The following CNTNAP2 variants were observed in gnomAD, a reference collection of about 807,000 sequenced individuals.
CNTNAP2 encodes the protein contactin associated protein 2.
In CNTNAP2, 98 loss-of-function variants were observed where a neutral mutation model predicts 155.2. The ratio of observed to expected loss-of-function variants is 0.63; its 90% CI spans 0.54 to 0.75. CNTNAP2 has a LOEUF of 0.75. Ranked by LOEUF, CNTNAP2 falls within the 30% of genes least tolerant of loss-of-function variation. The probability of loss-of-function intolerance (pLI) is 0.00; values close to 1 mark genes in which losing one functional copy is unlikely to be tolerated. For missense variants in CNTNAP2, 1,727 were observed against 1,688.1 expected (o/e 1.02, Z -0.40); for synonymous variants, 651 against 631.2 (o/e 1.03, Z -0.47).
intron 9 of CNTNAP2, among the ~76,000 whole-genome samples, chr7:147,339,478 C>A (rs930328054): frequency 6.6e-6 from 1 of 152,170 alleles, no homozygotes; most frequent in Non-Finnish European, 1.5e-5. Context: ...CCAGACACAG[C>A]TGCCCAGTCT....
intron 1 of CNTNAP2, among the ~76,000 whole-genome samples, chr7:146,511,151 G>C (rs139095850): frequency 0.012 from 1,893 of 152,224 alleles, 36 homozygotes; most frequent in African/African-American, 0.043. Flanking sequence ...ACCCTCCTCA[G>C]CCTCCCAAAG....
At chr7:146,566,244 A>G (rs1480034591) in intron 1 of CNTNAP2, among the ~76,000 whole-genome samples, 3 of 152,254 alleles carry the variant, frequency 2.0e-5, no homozygotes, top group Non-Finnish European at 4.4e-5. Flanking sequence ...CCAAGTCACA[A>G]CTGGAATTCT....
intron 16 of CNTNAP2, among the ~76,000 whole-genome samples, chr7:148,138,353 A>G (rs1467672650): frequency 1.3e-5 from 2 of 152,074 alleles, no homozygotes; most frequent in African/African-American, 4.8e-5. Flanking sequence ...TTTTCCCCCA[A>G]TTCATGTTGT....
At chr7:148,203,687 G>T (rs960329292) in intron 18 of CNTNAP2, among the ~76,000 whole-genome samples, 1 of 152,200 alleles carries the variant, frequency 6.6e-6, no homozygotes, top group African/African-American at 2.4e-5. Flanking sequence ...AGAGGTTGCA[G>T]TGAGCCAAGG....
intron 13 of CNTNAP2, among the ~76,000 whole-genome samples, chr7:147,730,114 G>T (rs1299071158): frequency 1.3e-5 from 2 of 152,064 alleles, no homozygotes; most frequent in East Asian, 3.9e-4. Flanking sequence ...TAGCACATCT[G>T]ATCATTTATC....
At chr7:147,944,505 T>C (rs1585041812) in intron 14 of CNTNAP2, among the ~76,000 whole-genome samples, 1 of 152,256 alleles carries the variant, frequency 6.6e-6, no homozygotes, top group East Asian at 1.9e-4. Context: ...TTTTTAAAAA[T>C]CCTAACTGAA....
At chr7:146,364,816 C>A (rs920849913) in intron 1 of CNTNAP2, among the ~76,000 whole-genome samples, 1 of 152,134 alleles carries the variant, frequency 6.6e-6, no homozygotes, top group African/African-American at 2.4e-5. Flanking sequence ...CTACAGGAAC[C>A]TTTGAACATG....
At chr7:148,315,558 G>A (rs1797673459) in intron 21 of CNTNAP2, among the ~76,000 whole-genome samples, 1 of 152,208 alleles carries the variant, frequency 6.6e-6, no homozygotes, top group South Asian at 2.1e-4. Flanking sequence ...CGGCCATCTG[G>A]ATGTGTACAT....
intron 1 of CNTNAP2, among the ~76,000 whole-genome samples, chr7:146,444,661 C>CTTTTTTTT (rs772101193): frequency 0.028 from 4,024 of 142,068 alleles, 215 homozygotes; most frequent in African/African-American, 0.099. Flanking sequence ...TCCTCTCTCT[C>CTTTTTTTT]TTTTTTTTTT....
At chr7:147,367,708 CTG>C (rs1796258739) in intron 9 of CNTNAP2, among the ~76,000 whole-genome samples, 1 of 152,134 alleles carries the variant, frequency 6.6e-6, no homozygotes, top group African/African-American at 2.4e-5. Flanking sequence ...CATCTCAGGA[CTG>C]TGCCAGTTAT....
chr7:146,174,235 A>C (rs954321279), intron 1 of CNTNAP2, among the ~76,000 whole-genome samples: 1 of 151,804 alleles, frequency 6.6e-6, no homozygotes, highest in Non-Finnish European at 1.5e-5. Context: ...AAGAAAAAAA[A>C]CCCAACATAA....
chr7:146,721,889 A>ATATTTTT, intron 1 of CNTNAP2, among the ~76,000 whole-genome samples: 2 of 69,708 alleles, frequency 2.9e-5, no homozygotes, highest in African/African-American at 3.8e-4. Flanking sequence ...ATATATATAT[A>ATATTTTT]TTTTTTTTTT....
chr7:146,651,650 A>T (rs1018814039), intron 1 of CNTNAP2, among the ~76,000 whole-genome samples: 1 of 152,164 alleles, frequency 6.6e-6, no homozygotes, highest in Admixed American at 6.5e-5. Context: ...GTACACCAAG[A>T]TAAGAATAAG....
At chr7:147,662,051 A>C (rs932369624) in intron 13 of CNTNAP2, among the ~76,000 whole-genome samples, 3 of 152,148 alleles carry the variant, frequency 2.0e-5, no homozygotes, top group Admixed American at 1.3e-4. Context: ...GGTTTTCTTT[A>C]AGGTTTGCAA....
At chr7:147,768,084 A>T (rs953294512) in intron 13 of CNTNAP2, among the ~76,000 whole-genome samples, 2 of 152,040 alleles carry the variant, frequency 1.3e-5, no homozygotes, top group Non-Finnish European at 1.5e-5. Flanking sequence ...AGTAGCAAAA[A>T]CTTCCTTTCA....
intron 1 of CNTNAP2, among the ~76,000 whole-genome samples, chr7:146,537,670 A>C (rs1278665064): frequency 6.6e-6 from 1 of 152,120 alleles, no homozygotes; most frequent in Non-Finnish European, 1.5e-5. Flanking sequence ...ATAAAGGACT[A>C]AACAACTGAA....
At chr7:146,737,041 A>C (rs181452109) in intron 1 of CNTNAP2, among the ~76,000 whole-genome samples, 1 of 152,290 alleles carries the variant, frequency 6.6e-6, no homozygotes, top group East Asian at 1.9e-4. Flanking sequence ...GTGTGAAGAA[A>C]AATAAATTCT....
At chr7:147,627,026 G>A (rs1447572493) in intron 12 of CNTNAP2, among the ~76,000 whole-genome samples, 1 of 152,114 alleles carries the variant, frequency 6.6e-6, no homozygotes, top group Non-Finnish European at 1.5e-5. Context: ...CCAGTCTAGA[G>A]CCTGGTAGCC....
intron 15 of CNTNAP2, among the ~76,000 whole-genome samples, chr7:147,978,338 T>C (rs1366438028): frequency 6.6e-6 from 1 of 152,160 alleles, no homozygotes; most frequent in Non-Finnish European, 1.5e-5. Flanking sequence ...TTAGGATGAC[T>C]ATTTATATCA....
Sources: allele counts gnomAD v4.1 joint callset (sites outside exome capture counted in the v4.1 genomes callset), GRCh38; gene constraint gnomAD v4.1.1; transcripts MANE v1.5; gene names NCBI Gene and HGNC (gene_info 2026-07-23, HGNC 2026-07-21).